KPTN: variants seen among roughly 807,000 people sequenced by gnomAD.
The protein encoded by KPTN is KICSTOR complex protein kaptin.
In KPTN, 36 loss-of-function variants were observed where a neutral mutation model predicts 52.6. That is an observed-to-expected ratio of 0.68 (90% CI 0.52 to 0.90). The LOEUF (loss-of-function observed/expected upper bound fraction) is 0.90. Among genes scored for constraint, KPTN ranks in the 40% least tolerant of loss-of-function variants. KPTN has a pLI of 0.00. For synonymous variants in KPTN, 271 were observed against 248.4 expected (o/e 1.09, Z -0.85); for missense variants, 529 against 576.2 (o/e 0.92, Z 0.84).
In KPTN at chr19:47,480,413, G is replaced by A. The variant is rs114452119; in HGVS notation, c.600-6C>T. 2.7e-4 allele frequency: 423 copies of A among 1,540,888 alleles called. 3 individuals carry two copies. The African/African-American group carries it at 4.9e-3, about 18-fold the overall frequency. On this transcript the variant is annotated splice_region_variant and splice_polypyrimidine_tract_variant and intron_variant, in intron 6 of 11. Coordinates refer to ENST00000338134, the MANE Select transcript of KPTN (RefSeq NM_007059.4). ...GGACGTCCAGCCAGAGGACGCTGGCGGGCGGGTGGATGGACAGGACGGACG... is the reference window on the plus strand; with the variant it reads ...GGACGTCCAGCCAGAGGACGCTGGCAGGCGGGTGGATGGACAGGACGGACG...
chr19:47,477,799 A>C lies in KPTN; in HGVS notation c.788-18T>G. On this transcript the variant is annotated intron_variant, in intron 8 of 11. Transcript: ENST00000338134. ...CTTGGTCTCTGGAGAAGAAACATGA[A>C]TGGTAATCCCAGCACTTTGGGAGGC... is the stretch of plus-strand genomic sequence containing the variant. 1 of 1,599,818 alleles carries C rather than the reference A, an allele frequency of 6.3e-7. No homozygotes were observed. Among genetic ancestry groups the C allele is most frequent in the East Asian group, 2.2e-5 (1 of 44,694 alleles).
intron 1 of KPTN, 56 bp from the exon 2 acceptor site, chr19:47,483,640 C>G: frequency 7.6e-7 from 1 of 1,317,640 alleles, no homozygotes; most frequent in Non-Finnish European, 1.1e-6. Flanking sequence ...TCCAATCTCC[C>G]CAACATGGTG....
chr19:47,477,965 C>T lies in KPTN; in HGVS notation c.788-184G>A, dbSNP rs145738173. 5.4e-3 allele frequency among the ~76,000 whole-genome samples: 822 copies of T among 151,900 alleles called. 5 individuals carry two copies. The highest frequency in any genetic ancestry group is 9.4e-3 in the Non-Finnish European group (638 of 67,966). On this transcript the variant is annotated intron_variant, in intron 8 of 11. Transcript: ENST00000338134. ...ATGCCAGCTACTCAGGAGGCTGAGG[C>T]AGGAGACTTGCTTGAACCTGGGAGG...
rs535289816 is a variant in KPTN at position 47,480,036 on chromosome 19, C to T, written c.710-96G>A. The T allele has an allele frequency of 6.1e-4, 593 of 978,494 alleles. 1 individual carries two copies. In the African/African-American group the frequency reaches 9.0e-3, roughly 15 times the overall value. 60.6% of individuals were successfully genotyped at this position (978,494 alleles called of 1,614,324 possible). ...TTTCCGCCCCCACCGTTCATCCCCA[C>T]CCTAGCCCCGCCCCTCTGAAGCCCT... On this transcript the variant is annotated intron_variant, in intron 7 of 11. Transcript: ENST00000338134.
At chr19:47,480,079 C>T in intron 7 of KPTN, 139 bp from the exon 8 acceptor site, 1 of 644,204 alleles carries the variant, frequency 1.6e-6, no homozygotes, top group South Asian at 1.8e-5. Context: ...ACCCTAGCCC[C>T]GCCCCCAATC....
At chr19:47,481,907 T>G (rs1033162659) in intron 4 of KPTN, among the ~76,000 whole-genome samples, 2 of 152,206 alleles carry the variant, frequency 1.3e-5, no homozygotes, top group Non-Finnish European at 2.9e-5. Context: ...ATGTTCTATC[T>G]CCTCGAAAGA....
At chr19:47,475,675 A>C (rs1967640208) in intron 11 of KPTN, 131 bp from the exon 12 acceptor site, 2 of 1,052,210 alleles carry the variant, frequency 1.9e-6, no homozygotes, top group South Asian at 1.5e-5. Flanking sequence ...AGCAGACCAC[A>C]GTGTGTGGGA....
chr19:47,482,991 G>A (rs1193855923), intron 4 of KPTN, 170 bp downstream of exon 4: 2 of 706,480 alleles, frequency 2.8e-6, no homozygotes, highest in African/African-American at 3.5e-5. Flanking sequence ...ACAGGTGTGA[G>A]CCACCGTGCC....
intron 4 of KPTN, among the ~76,000 whole-genome samples, chr19:47,481,388 C>T (rs1287822504): frequency 6.6e-6 from 1 of 152,152 alleles, no homozygotes; most frequent in African/African-American, 2.4e-5. Context: ...AACTGCAGAA[C>T]CTTAGAAAGC....
chr19:47,484,167 C>G lies in KPTN; in HGVS notation c.-7G>C. 1.3e-6 allele frequency: 2 copies of G among 1,591,780 alleles called. No homozygotes were observed. The highest frequency in any genetic ancestry group is 1.7e-6 in the Non-Finnish European group (2 of 1,174,912). The stretch of plus-strand genomic sequence containing the variant: ...CGGCCGCCTCCCCCATCATGCCCCT[C>G]AGTTAAGCACCCTCTCCGCAGCCCC... On this transcript the variant is annotated 5_prime_UTR_variant, in exon 1 of 12. Transcript: ENST00000338134.
upstream of KPTN, chr19:47,484,227 T>C (rs1599880991): frequency 6.6e-7 from 1 of 1,505,686 alleles, no homozygotes; most frequent in Non-Finnish European, 8.9e-7. Context: ...TACGACTCTC[T>C]AAGCGACCTG....
intron 4 of KPTN, among the ~76,000 whole-genome samples, chr19:47,481,811 C>G (rs747206542): frequency 1.6e-4 from 24 of 152,150 alleles, no homozygotes; most frequent in Non-Finnish European, 2.4e-4. Context: ...TGTTCTAGAC[C>G]ATCTGTGTTC....
chr19:47,480,327 C>T lies in KPTN; in HGVS notation c.680G>A (p.Arg227His). 2 of 1,549,160 alleles carry T rather than the reference C, an allele frequency of 1.3e-6. No homozygotes were observed. The highest frequency in any genetic ancestry group is 1.7e-6 in the Non-Finnish European group (2 of 1,146,208). ...ACTCCGCTGGTCCACGTGGGCGACACGGACATAACCACTCTGACAGCCCAG... is the reference window on the plus strand; with the variant it reads ...ACTCCGCTGGTCCACGTGGGCGACATGGACATAACCACTCTGACAGCCCAG... ...SALGCQSGYV[R>H]VAHVDQRSRE... The change falls in exon 7 of 12, where the codon CGT becomes CAT. Residue 227 changes from arginine (R) to histidine (H), a missense_variant. Physicochemically the swap from Arg to His is conservative, Grantham distance 29. Coordinates refer to ENST00000338134, the MANE Select transcript of KPTN (RefSeq NM_007059.4).
At chr19:47,476,416 G>T in intron 11 of KPTN, 116 bp downstream of exon 11, 1 of 769,178 alleles carries the variant, frequency 1.3e-6, no homozygotes, top group Non-Finnish European at 1.9e-6. Flanking sequence ...GAGTTGTCCT[G>T]ACTGGTAGGA....
Position 47,475,536 on chromosome 19 carries a change from C to T in KPTN, c.1191G>A (p.Leu397=). ...TCAAGACCAGCTCTGAGGCCTGAAT[C>T]AGGCTGTGCTGTGGGGAACAAGAGA... ...LKGVHILQHS[L]IQASELVLTR... is the part of the protein sequence containing the mutation. Residue 397 remains leucine, a synonymous_variant, in exon 12 of 12, where the codon CTG becomes CTA. Transcript: ENST00000338134. The T allele has an allele frequency of 6.2e-7, 1 of 1,612,728 alleles. No individual in the cohort carries two copies. The highest frequency in any genetic ancestry group is 1.1e-5 in the South Asian group (1 of 91,046).
intron 4 of KPTN, 142 bp downstream of exon 4, chr19:47,483,019 T>C (rs1967938544): frequency 2.2e-6 from 2 of 914,058 alleles, no homozygotes; most frequent in East Asian, 4.8e-5. Flanking sequence ...CATTTTAGTT[T>C]TCAATCCCTA....
In KPTN at chr19:47,476,746, T is replaced by G. The variant is rs1317689070; in HGVS notation, c.1000-32A>C. ...GGGTGAAGAATCAGGTCACACAGGTTGATGGGGGGACAGTGGAGGGAGGCC... is the reference window on the plus strand; with the variant it reads ...GGGTGAAGAATCAGGTCACACAGGTGGATGGGGGGACAGTGGAGGGAGGCC... On this transcript the variant is annotated intron_variant, in intron 10 of 11. Transcript: ENST00000338134. The G allele has an allele frequency of 3.7e-6, 6 of 1,606,700 alleles. No homozygotes were observed. The Admixed American group carries it at 1.0e-4, about 27-fold the overall frequency.
chr19:47,480,279 G>T lies in KPTN; in HGVS notation c.709+19C>A. On this transcript the variant is annotated intron_variant, in intron 7 of 11. Coordinates refer to ENST00000338134, the MANE Select transcript of KPTN (RefSeq NM_007059.4). ...AGCCCTCAACCCCACCCCTTACCCC[G>T]CCTCACCGCGGCCCTCACCTCGACT... 3.5e-6 allele frequency: 2 copies of T among 573,784 alleles called. No individual in the cohort carries two copies. Among genetic ancestry groups the T allele is most frequent in the Non-Finnish European group, 5.3e-6 (2 of 378,502 alleles). 35.5% of individuals were successfully genotyped at this position (573,784 alleles called of 1,614,324 possible).
At position 47,476,603 on chromosome 19, in the gene KPTN, G is replaced by T. The variant is rs1401080392; in HGVS notation, c.1111C>A (p.His371Asn). 1 of 1,612,432 alleles carries T rather than the reference G, an allele frequency of 6.2e-7. No homozygotes were observed. Among genetic ancestry groups the T allele is most frequent in the African/African-American group, 1.3e-5 (1 of 74,536 alleles). The change falls in exon 11 of 12, where the codon CAC becomes AAC. Residue 371 changes from histidine (H) to asparagine (N), a missense_variant. Physicochemically the swap from His to Asn is moderately conservative, Grantham distance 68 (BLOSUM62 1). Coordinates refer to ENST00000338134, the MANE Select transcript of KPTN (RefSeq NM_007059.4). ...SFSSPLLAMA[H>N]VDLTGDGLQE... ...AGCCCATCCCCGGTCAGGTCCACGT[G>T]AGCCATGGCCAGCAGGGGACTGGAG... is the stretch of plus-strand genomic sequence containing the variant.
Sources: gnomAD v4.1 joint callset for allele counts (sites outside exome capture counted in the v4.1 genomes callset) on GRCh38, gnomAD v4.1.1 for gene constraint, MANE v1.5 for transcripts, NCBI Gene and HGNC (gene_info 2026-07-23, HGNC 2026-07-21) for gene names.